Variants in ERP27 observed in about 807,000 individuals in gnomAD.
The protein encoded by ERP27 is endoplasmic reticulum protein 27, also known as endoplasmic reticulum resident protein 27.
ERP27 carries 23 observed loss-of-function variants against 27.7 expected under a neutral mutation model. The ratio of observed to expected loss-of-function variants is 0.83; its 90% CI spans 0.60 to 1.18. ERP27 has a LOEUF of 1.18. Among genes scored for constraint, ERP27 ranks in the 50% most tolerant of loss-of-function variants. The pLI, the probability that ERP27 is intolerant of heterozygous loss-of-function variation, is 0.00. For synonymous variants in ERP27, 159 were observed against 118.3 expected (o/e 1.34, Z -2.23); for missense variants, 363 against 327.9 (o/e 1.11, Z -0.83).
In ERP27 at chr12:14,914,586, G is replaced by C. The variant is rs552183525; in HGVS notation, c.*149C>G. 5.0e-6 allele frequency: 3 copies of C among 599,656 alleles called. No individual in the cohort carries two copies. Among genetic ancestry groups the C allele is most frequent in the South Asian group, 4.0e-5 (2 of 49,672 alleles). 37.1% of individuals were successfully genotyped at this position (599,656 alleles called of 1,614,324 possible). ...TGTGTGTGTGTGTGTGTGCGTGTGTGTGTGCACGCGTGCGTGCGTGTGTGC... is the reference window on the plus strand; with the variant it reads ...TGTGTGTGTGTGTGTGTGCGTGTGTCTGTGCACGCGTGCGTGCGTGTGTGC... On this transcript the variant is annotated 3_prime_UTR_variant, in exon 7 of 7. Transcript: ENST00000266397.
At chr12:14,915,459 A>C in intron 6 of ERP27, 30 bp downstream of exon 6, 1 of 1,600,472 alleles carries the variant, frequency 6.2e-7, no homozygotes, top group Non-Finnish European at 8.6e-7. Context: ...GAAAGAAAAC[A>C]ATTTGCTTTA....
At chr12:14,926,856 G>A (rs1265603658) in intron 3 of ERP27, among the ~76,000 whole-genome samples, 1 of 151,970 alleles carries the variant, frequency 6.6e-6, no homozygotes, top group Non-Finnish European at 1.5e-5. Context: ...TTGCATTTTA[G>A]CTTCTCTTTA....
At chr12:14,915,927 C>A in intron 5 of ERP27, 1 of 359,132 alleles carries the variant, frequency 2.8e-6, no homozygotes, top group Non-Finnish European at 5.1e-6. Flanking sequence ...AAGAGAAAAC[C>A]AAATATCACA....
At chr12:14,928,455 T>C (rs758966659) in intron 3 of ERP27, among the ~76,000 whole-genome samples, 1 of 152,322 alleles carries the variant, frequency 6.6e-6, no homozygotes. Context: ...CCCCTTATGG[T>C]TAATTTTAAT....
At chr12:14,929,093 C>T (rs1863657984) in intron 3 of ERP27, 11 of 1,518,650 alleles carry the variant, frequency 7.2e-6, no homozygotes, top group Non-Finnish European at 9.7e-6. Context: ...ATTCCTAGGT[C>T]TGGTGCCTGC....
At position 14,919,240 on chromosome 12, in the gene ERP27, T is replaced by C. The variant is rs1292060791; in HGVS notation, c.450+1692A>G. On this transcript the variant is annotated intron_variant, in intron 4 of 6. Transcript: ENST00000266397. ...AAAAAGTAACAATACAGATTGAACT[T>C]GCTTCTTTAAAGAAATTCTTACTGA... is the stretch of plus-strand genomic sequence containing the variant. Among the ~76,000 whole-genome samples, 3 of 152,314 alleles carry C rather than the reference T, an allele frequency of 2.0e-5. No homozygotes were observed. In the East Asian group the frequency reaches 5.8e-4, roughly 29 times the overall value.
intron 3 of ERP27, among the ~76,000 whole-genome samples, chr12:14,926,566 A>G (rs1337754049): frequency 4.6e-5 from 7 of 151,752 alleles, no homozygotes; most frequent in Admixed American, 4.6e-4. Flanking sequence ...CTTTCCCTTT[A>G]TTGGCTTAGA....
chr12:14,921,589 G>T (rs916443463), intron 3 of ERP27, among the ~76,000 whole-genome samples: 3 of 152,184 alleles, frequency 2.0e-5, no homozygotes, highest in Non-Finnish European at 4.4e-5. Context: ...GGCAAGGTCA[G>T]ATTTGTATTA....
intron 2 of ERP27, chr12:14,935,253 G>T: frequency 1.5e-6 from 1 of 648,954 alleles, no homozygotes; most frequent in Non-Finnish European, 1.9e-6. Context: ...AGAGCTTGAA[G>T]TTTACTAGGG....
At chr12:14,914,810 A>C in intron 6 of ERP27, 28 bp from the exon 7 acceptor site, 2 of 1,585,488 alleles carry the variant, frequency 1.3e-6, no homozygotes, top group South Asian at 2.2e-5. Flanking sequence ...AATGATATTT[A>C]GATTAGTAAA....
intron 4 of ERP27, among the ~76,000 whole-genome samples, chr12:14,918,249 A>T (rs1318113467): frequency 6.6e-6 from 1 of 152,238 alleles, no homozygotes; most frequent in South Asian, 2.1e-4. Context: ...CATGCTCTTG[A>T]TCATCAGGAT....
chr12:14,918,634 G>A (rs927356217), intron 4 of ERP27, among the ~76,000 whole-genome samples: 1 of 152,208 alleles, frequency 6.6e-6, no homozygotes, highest in Non-Finnish European at 1.5e-5. Context: ...AACATGGTGG[G>A]TTAACAAATC....
chr12:14,935,099 G>C, intron 2 of ERP27, 106 bp from the exon 3 acceptor site: 11 of 1,500,524 alleles, frequency 7.3e-6, no homozygotes, highest in Non-Finnish European at 9.8e-6. Context: ...TCATAGATTT[G>C]ATTTACTGCC....
At chr12:14,917,073 A>T (rs1863421440) in intron 5 of ERP27, 105 bp downstream of exon 5, 1 of 1,374,198 alleles carries the variant, frequency 7.3e-7, no homozygotes, top group Non-Finnish European at 1.0e-6. Context: ...GCTATCTCCT[A>T]ACCATAGTTG....
intron 3 of ERP27, among the ~76,000 whole-genome samples, chr12:14,921,785 C>T (rs907137294): frequency 2.0e-5 from 3 of 152,002 alleles, no homozygotes; most frequent in African/African-American, 4.8e-5. Context: ...GTTTATAATT[C>T]ATCCTTTTTT....
At chr12:14,935,540 A>G (rs1385620249) in intron 2 of ERP27, among the ~76,000 whole-genome samples, 2 of 152,214 alleles carry the variant, frequency 1.3e-5, no homozygotes, top group African/African-American at 4.8e-5. Context: ...TAAACAACTA[A>G]CTATGTAGTG....
chr12:14,937,527 T>C (rs1026569829), intron 2 of ERP27, among the ~76,000 whole-genome samples: 5 of 152,202 alleles, frequency 3.3e-5, no homozygotes, highest in African/African-American at 1.2e-4. Flanking sequence ...CACTGACTAA[T>C]GTCCAGGATG....
rs779111289 is a variant in ERP27, at chr12:14,917,786, C to T, written c.451-483G>A. 5.3e-5 allele frequency among the ~76,000 whole-genome samples: 8 copies of T among 152,206 alleles called. No individual in the cohort carries two copies. The South Asian group carries it at 6.2e-4, about 12-fold the overall frequency. Reference sequence around the variant, plus strand: ...CAGTTGAGCCTTCAGATGACTGCAGCCCTGACCAATGACTGCAACCTCCCA... The same window carrying T: ...CAGTTGAGCCTTCAGATGACTGCAGTCCTGACCAATGACTGCAACCTCCCA... On this transcript the variant is annotated intron_variant, in intron 4 of 6. Coordinates refer to ENST00000266397, the MANE Select transcript of ERP27 (RefSeq NM_152321.4).
intron 2 of ERP27, among the ~76,000 whole-genome samples, chr12:14,936,601 C>G (rs1406718074): frequency 6.6e-6 from 1 of 152,146 alleles, no homozygotes; most frequent in African/African-American, 2.4e-5. Context: ...ATGTAATCCC[C>G]ATAATCCCCA....
Sources: gnomAD v4.1 joint callset for allele counts (sites outside exome capture counted in the v4.1 genomes callset) on GRCh38, gnomAD v4.1.1 for gene constraint, MANE v1.5 for transcripts, NCBI Gene and HGNC (gene_info 2026-07-23, HGNC 2026-07-21) for gene names.